Variants in KIF2C observed in about 807,000 individuals in gnomAD.
The protein encoded by KIF2C is kinesin family member 2C.
In KIF2C, 34 loss-of-function variants were observed where a neutral mutation model predicts 97.4. The ratio of observed to expected loss-of-function variants is 0.35; its 90% CI spans 0.27 to 0.46. The LOEUF is 0.46. Ranked by LOEUF, KIF2C falls within the 20% of genes least tolerant of loss-of-function variation. The pLI, the probability that KIF2C is intolerant of heterozygous loss-of-function variation, is 1.00. For missense variants in KIF2C, 750 were observed against 907.6 expected, an observed-to-expected ratio of 0.83 and a Z score of 2.23; for synonymous variants, 313 against 318.2, an observed-to-expected ratio of 0.98 and a Z score of 0.17.
chr1:44,760,807 G>A lies in KIF2C; in HGVS notation c.1683+105G>A. On this transcript the variant is annotated intron_variant, in intron 16 of 20. Coordinates refer to ENST00000372224, the MANE Select transcript of KIF2C (RefSeq NM_006845.4). This position sits in a 1 kb window ranked among gnomAD's most constrained non-coding sequence, Gnocchi z 4.2. ...GGCTGGAAGCTCAGCACTGCTGGCTGCCTGGGTTTCCAGGCTGTACCGTGA... is the reference window on the plus strand; with the variant it reads ...GGCTGGAAGCTCAGCACTGCTGGCTACCTGGGTTTCCAGGCTGTACCGTGA... 1 of 922,534 alleles carries A rather than the reference G, an allele frequency of 1.1e-6. No homozygotes were observed. Among genetic ancestry groups the A allele is most frequent in the East Asian group, 2.6e-5 (1 of 39,014 alleles). 57.1% of individuals were successfully genotyped at this position (922,534 alleles called of 1,614,324 possible).
In KIF2C at chr1:44,762,072, G is replaced by C. The variant is rs550247199; in HGVS notation, c.1751+89G>C. 7 of 1,183,738 alleles carry C rather than the reference G, an allele frequency of 5.9e-6. No individual in the cohort carries two copies. In the South Asian group the frequency reaches 7.4e-5, roughly 12 times the overall value. 73.3% of individuals were successfully genotyped at this position (1,183,738 alleles called of 1,614,324 possible). ...GAGGGGAGGAGGCTCTGGGGCCTCA[G>C]GGCCTACTGTATACTCCTCTGTGAC... On this transcript the variant is annotated intron_variant, in intron 17 of 20. Transcript: ENST00000372224.
chr1:44,764,089 T>C (rs1650312325), intron 19 of KIF2C, among the ~76,000 whole-genome samples: 1 of 151,854 alleles, frequency 6.6e-6, no homozygotes, highest in African/African-American at 2.4e-5. Context: ...GTTCATGGGA[T>C]TGGAATGAGG....
In KIF2C at chr1:44,762,443, C is replaced by T. The variant is rs772013279; in HGVS notation, c.1849C>T (p.Pro617Ser). Residue 617 changes from proline to serine, a missense_variant, in exon 18 of 21, where the codon CCA (proline) becomes TCA (serine). Transcript: ENST00000372224. ...MEACSNGALIPGNLSKEEEEL... is the reference protein window; with the variant it reads ...MEACSNGALISGNLSKEEEEL... The stretch of plus-strand genomic sequence containing the variant: ...AGCCTGCTCTAACGGGGCGCTGATT[C>T]CAGGCAATGTAAGGACCAGGATGCG... 6 of 1,613,942 alleles carry T rather than the reference C, an allele frequency of 3.7e-6. No individual in the cohort carries two copies. The East Asian group carries it at 1.3e-4, about 36-fold the overall frequency.
intron 1 of KIF2C, among the ~76,000 whole-genome samples, chr1:44,740,651 T>C (rs1026656645): frequency 2.6e-5 from 4 of 152,130 alleles, no homozygotes; most frequent in Admixed American, 6.6e-5. Context: ...TATCTCTCTT[T>C]TTTTGTAGGC....
intron 2 of KIF2C, among the ~76,000 whole-genome samples, chr1:44,745,464 CTTTTTTTTTTTTTTTTTTTT>C (rs869293971): frequency 2.6e-5 from 1 of 38,348 alleles, no homozygotes; most frequent in African/African-American, 1.2e-4. Flanking sequence ...TTGTATATGT[CTTTTTTTTTTTTTTTTTTTT>C]TTTTTTGAGA....
chr1:44,753,915 G>A (rs1649669271), intron 7 of KIF2C, 82 bp downstream of exon 7: 6 of 598,352 alleles, frequency 1.0e-5, no homozygotes, highest in Non-Finnish European at 1.7e-5. Context: ...AGATACAGTT[G>A]GGCCCCAGCA....
At chr1:44,747,764 C>T in intron 4 of KIF2C, 64 bp downstream of exon 4, 1 of 1,466,896 alleles carries the variant, frequency 6.8e-7, no homozygotes. Flanking sequence ...TTCTAGGACT[C>T]AGAGTTGTGG....
Position 44,757,656 on chromosome 1 carries a change from G to A in KIF2C, c.1068+10G>A. ...AAGTGGCAAGACACATGTGAGTATT[G>A]AGGCCTGGCGGGGAAAGAGCCTTTC... is the stretch of plus-strand genomic sequence containing the variant. On this transcript the variant is annotated intron_variant, in intron 11 of 20. Coordinates refer to ENST00000372224, the MANE Select transcript of KIF2C (RefSeq NM_006845.4). The A allele has an allele frequency of 6.3e-7, 1 of 1,592,324 alleles. No homozygotes were observed. The highest frequency in any genetic ancestry group is 1.1e-5 in the South Asian group (1 of 90,624).
chr1:44,754,400 T>C (rs545614031), intron 7 of KIF2C, among the ~76,000 whole-genome samples: 6 of 152,214 alleles, frequency 3.9e-5, no homozygotes, highest in East Asian at 1.9e-4. Flanking sequence ...CAGGGCACAA[T>C]TGGTCTGCTC....
At chr1:44,765,005 A>G (rs1330262223) in intron 19 of KIF2C, among the ~76,000 whole-genome samples, 1 of 152,126 alleles carries the variant, frequency 6.6e-6, no homozygotes, top group Non-Finnish European at 1.5e-5. Flanking sequence ...CTGTTATCCC[A>G]GCTACTTGGG....
chr1:44,765,648 C>T lies in KIF2C; in HGVS notation c.1972-1178C>T, dbSNP rs995353977. Among the ~76,000 whole-genome samples, 58 of 152,272 alleles carry T rather than the reference C, an allele frequency of 3.8e-4. 1 individual carries two copies. Among genetic ancestry groups the T allele is most frequent in the African/African-American group, 1.3e-3 (54 of 41,546 alleles). On this transcript the variant is annotated intron_variant, in intron 19 of 20. Transcript: ENST00000372224. ...AGGAGATCAAGACCATCCTGGCCAA[C>T]ATAGTGAAACCCTGTCTCTACTAAA... is the stretch of plus-strand genomic sequence containing the variant.
chr1:44,761,441 A>G (rs1650135353), intron 16 of KIF2C, among the ~76,000 whole-genome samples: 1 of 151,974 alleles, frequency 6.6e-6, no homozygotes, highest in Non-Finnish European at 1.5e-5. Flanking sequence ...CCCCATCTCT[A>G]TTAAAAAATA....
chr1:44,757,748 G>C (rs1215482447), intron 11 of KIF2C, 102 bp downstream of exon 11: 4 of 1,089,630 alleles, frequency 3.7e-6, no homozygotes, highest in Non-Finnish European at 5.6e-6. Context: ...CCTTGTTACA[G>C]ATGCCCCATC....
chr1:44,757,494 G>A, intron 10 of KIF2C, 62 bp from the exon 11 acceptor site: 1 of 1,050,530 alleles, frequency 9.5e-7, no homozygotes, highest in East Asian at 2.4e-5. Context: ...TGGAAGGGTG[G>A]CAGGACATGT....
chr1:44,745,308 T>G (rs1649127286), intron 2 of KIF2C, among the ~76,000 whole-genome samples: 1 of 151,252 alleles, frequency 6.6e-6, no homozygotes, highest in South Asian at 2.1e-4. Flanking sequence ...TGGATAGAAG[T>G]GTGATTACTG....
chr1:44,754,179 C>T (rs1649691678), intron 7 of KIF2C, among the ~76,000 whole-genome samples: 1 of 151,888 alleles, frequency 6.6e-6, no homozygotes, highest in Admixed American at 6.6e-5. Context: ...GCTTGGCCTT[C>T]CAAAGTGCTG....
At chr1:44,753,884 C>T in intron 7 of KIF2C, 51 bp downstream of exon 7, 1 of 1,107,756 alleles carries the variant, frequency 9.0e-7, no homozygotes, top group Non-Finnish European at 1.3e-6. Flanking sequence ...GTGTCCTTAA[C>T]CGAAACTCTA....
intron 7 of KIF2C, among the ~76,000 whole-genome samples, 169 bp downstream of exon 7, chr1:44,754,002 T>A (rs1649681010): frequency 7.3e-6 from 1 of 137,734 alleles, no homozygotes; most frequent in South Asian, 2.4e-4. Context: ...TTGCCCTGGC[T>A]GGAGTGCAGT....
Position 44,753,193 on chromosome 1 carries a change from G to A in KIF2C, c.501G>A (p.Glu167=), listed in dbSNP as rs189594100. ...VAEIPLRMVS[E]EMEEQVHSIR... Reference sequence around the variant, plus strand: ...AAATACCATTGAGGATGGTCAGCGAGGAGATGGAAGAGCAAGTCCATTCCA... The same window carrying A: ...AAATACCATTGAGGATGGTCAGCGAAGAGATGGAAGAGCAAGTCCATTCCA... Residue 167 remains glutamate (E), a synonymous_variant, in exon 6 of 21, where the codon GAG becomes GAA. Transcript: ENST00000372224. 5 of 1,614,060 alleles carry A rather than the reference G, an allele frequency of 3.1e-6. No individual in the cohort carries two copies. The Admixed American group carries it at 8.3e-5, about 27-fold the overall frequency.
Sources: allele counts gnomAD v4.1 joint callset (sites outside exome capture counted in the v4.1 genomes callset), GRCh38; gene constraint gnomAD v4.1.1; non-coding constraint Gnocchi (gnomAD v3.1); transcripts MANE v1.5; gene names NCBI Gene and HGNC (gene_info 2026-07-23, HGNC 2026-07-21).